The following C10orf71 variants were observed in gnomAD, a reference collection of about 807,000 sequenced individuals.
The protein encoded by C10orf71 is cardiac-enriched FHL2-interacting protein.
For missense variants in C10orf71, 1,869 were observed against 1,804.5 expected (o/e 1.04, Z -0.65); for synonymous variants, 758 against 726.3 (o/e 1.04, Z -0.70).
Position 49,310,113 on chromosome 10 carries a change from C to T in C10orf71, c.-247-6032C>T, listed in dbSNP as rs571487952. On this transcript the variant is annotated intron_variant, in intron 1 of 2. Coordinates refer to ENST00000374144, the MANE Select transcript of C10orf71 (RefSeq NM_001135196.2). ...ACATATCTTCAGCAGCTCAGGGGTG[C>T]ACCTTGGGCCTGCAGGGGAGCCCCC... Among the ~76,000 whole-genome samples, 6 of 152,286 alleles carry T rather than the reference C, an allele frequency of 3.9e-5. No individual in the cohort carries two copies. In the South Asian group the frequency reaches 1.2e-3, roughly 32 times the overall value.
chr10:49,307,239 G>A (rs73307871), intron 1 of C10orf71, among the ~76,000 whole-genome samples: 2,062 of 152,368 alleles, frequency 0.014, 57 homozygotes, highest in African/African-American at 0.047. Context: ...GAAGCCAAGG[G>A]CACCTCTGAG....
intron 2 of C10orf71, among the ~76,000 whole-genome samples, chr10:49,321,220 C>T (rs1001885701): frequency 6.6e-6 from 1 of 152,082 alleles, no homozygotes; most frequent in African/African-American, 2.4e-5. Context: ...TAACTCCCCC[C>T]TTCCCTGCTT....
At chr10:49,319,700 AT>A (rs1849060233) in intron 2 of C10orf71, among the ~76,000 whole-genome samples, 1 of 25,080 alleles carries the variant, frequency 4.0e-5, no homozygotes, top group Non-Finnish European at 1.1e-4. Flanking sequence ...ATATATATAT[AT>A]ATATATATAT....
Position 49,326,926 on chromosome 10 carries a change from C to CACACACACACAG in C10orf71, c.*84_*85insGACACACACACA. The CACACACACACAG allele has an allele frequency of 1.4e-6, 2 of 1,398,164 alleles. No homozygotes were observed. Among genetic ancestry groups the CACACACACACAG allele is most frequent in the Non-Finnish European group, 1.9e-6 (2 of 1,049,086 alleles). 86.6% of individuals were successfully genotyped at this position (1,398,164 alleles called of 1,614,324 possible). A position where few individuals can be genotyped will look rare whatever the true frequency, so the allele number is the denominator to read the frequency against. On this transcript the variant is annotated 3_prime_UTR_variant, in exon 3 of 3. Transcript: ENST00000374144. ...CTTCCCCCTCCCCCAAAACAAGCAA[C>CACACACACACAG]ACACACACACACACACACACACACA... is the stretch of plus-strand genomic sequence containing the variant.
chr10:49,305,852 G>A (rs1848804015), intron 1 of C10orf71, among the ~76,000 whole-genome samples: 1 of 152,246 alleles, frequency 6.6e-6, no homozygotes, highest in African/African-American at 2.4e-5. Context: ...AATCACTATA[G>A]ATCATAAGTC....
At chr10:49,298,653 G>A (rs1564680213), upstream of C10orf71, 1 of 152,170 alleles carries the variant, frequency 6.6e-6, no homozygotes. Context: ...CAAACAACCG[G>A]GCTTGCTGTA....
At position 49,323,218 on chromosome 10, in the gene C10orf71, C is replaced by T; in HGVS notation, c.673C>T (p.Pro225Ser). ...CGGAGAACAGGAGTCCTCCAAGAAT[C>T]CAGAAATGGCCTGTCACGGCTCCAG... ...KHGEQESSKN[P>S]EMACHGSSSF... The change falls in exon 3 of 3, where the codon CCA (proline) becomes TCA (serine). Residue 225 changes from proline to serine, a missense_variant. Coordinates refer to ENST00000374144, the MANE Select transcript of C10orf71 (RefSeq NM_001135196.2). The T allele has an allele frequency of 6.2e-7, 1 of 1,613,970 alleles. No individual in the cohort carries two copies. Among genetic ancestry groups the T allele is most frequent in the South Asian group, 1.1e-5 (1 of 91,084 alleles).
At chr10:49,307,467 T>A (rs1848834383) in intron 1 of C10orf71, among the ~76,000 whole-genome samples, 1 of 152,240 alleles carries the variant, frequency 6.6e-6, no homozygotes, top group Non-Finnish European at 1.5e-5. Flanking sequence ...TCCTCCATAA[T>A]GCTCCACCTC....
At chr10:49,311,250 G>T (rs1299159153) in intron 1 of C10orf71, among the ~76,000 whole-genome samples, 2 of 152,338 alleles carry the variant, frequency 1.3e-5, no homozygotes, top group African/African-American at 4.8e-5. Context: ...GGGGACACCT[G>T]CAATAGGGCT....
At chr10:49,302,876 C>A (rs894784064) in intron 1 of C10orf71, among the ~76,000 whole-genome samples, 1 of 152,176 alleles carries the variant, frequency 6.6e-6, no homozygotes, top group Non-Finnish European at 1.5e-5. Flanking sequence ...ACAGGACAGG[C>A]AAATCTGGGT....
chr10:49,324,170 T>A lies in C10orf71; in HGVS notation c.1625T>A (p.Val542Asp). 6.2e-7 allele frequency: 1 copy of A among 1,613,966 alleles called. No homozygotes were observed. The highest frequency in any genetic ancestry group is 1.1e-5 in the South Asian group (1 of 91,068). Residue 542 changes from valine (V) to aspartate (D), a missense_variant, in exon 3 of 3, where the codon GTC becomes GAC. By Grantham distance (152) the Val-to-Asp change is radical. Transcript: ENST00000374144. Reference protein sequence around the residue: ...DGKQEPVSNGVILPNGLEESP... With the variant: ...DGKQEPVSNGDILPNGLEESP... ...AAGCAAGAACCTGTGAGCAACGGTG[T>A]CATCCTCCCCAATGGGCTTGAGGAA...
intron 2 of C10orf71, among the ~76,000 whole-genome samples, chr10:49,320,573 A>C (rs1849077959): frequency 6.6e-6 from 1 of 152,246 alleles, no homozygotes; most frequent in South Asian, 2.1e-4. Context: ...GGTACCATGA[A>C]GAAAATAAAC....
chr10:49,321,328 G>T (rs994789003), intron 2 of C10orf71, among the ~76,000 whole-genome samples: 1 of 152,022 alleles, frequency 6.6e-6, no homozygotes, highest in African/African-American at 2.4e-5. Flanking sequence ...GTCTTTCTGC[G>T]ACTGGGTTGT....
At chr10:49,298,113 G>T (rs559952261), upstream of C10orf71, among the ~76,000 whole-genome samples, 1 of 152,346 alleles carries the variant, frequency 6.6e-6, no homozygotes, top group Non-Finnish European at 1.5e-5. Context: ...CCGGTTCAAG[G>T]CTGGAGGTGG....
Position 49,326,511 on chromosome 10 carries a change from G to A in C10orf71, c.3966G>A (p.Pro1322=), listed in dbSNP as rs1195206984. ...IPSSEGASPE[P]PPPDALAAPY... is the part of the protein sequence containing the mutation. ...CCTCCGAGGGGGCCTCCCCAGAGCC[G>A]CCCCCACCGGACGCCCTGGCCGCTC... Residue 1322 remains proline, a synonymous_variant, in exon 3 of 3, where the codon CCG becomes CCA. Coordinates refer to ENST00000374144, the MANE Select transcript of C10orf71 (RefSeq NM_001135196.2). The A allele has an allele frequency of 6.5e-7, 1 of 1,550,090 alleles. No homozygotes were observed. The highest frequency in any genetic ancestry group is 8.7e-7 in the Non-Finnish European group (1 of 1,146,786).
chr10:49,297,620 C>T (rs1471572630), upstream of C10orf71, among the ~76,000 whole-genome samples: 2 of 152,178 alleles, frequency 1.3e-5, no homozygotes, highest in Non-Finnish European at 2.9e-5. Context: ...GCTCCCCTGA[C>T]CCTGAATCCC....
intron 2 of C10orf71, 127 bp from the exon 3 acceptor site, chr10:49,322,275 A>G (rs1442672949): frequency 2.6e-6 from 1 of 388,490 alleles, no homozygotes; most frequent in Non-Finnish European, 4.6e-6. Flanking sequence ...GTCTATACAT[A>G]TAGCAAGCTT....
upstream of C10orf71, chr10:49,298,886 T>A (rs1003525476): frequency 2.0e-5 from 3 of 152,184 alleles, no homozygotes; most frequent in African/African-American, 7.2e-5. Flanking sequence ...AGCAGGGCTC[T>A]GGGCTCTGGC....
chr10:49,324,299 C>T lies in C10orf71; in HGVS notation c.1754C>T (p.Ala585Val), dbSNP rs376094825. Residue 585 changes from alanine (A) to valine (V), a missense_variant, in exon 3 of 3, where the codon GCA (alanine) becomes GTA (valine). Transcript: ENST00000374144. ...ACAGCTGACCCCAGTGAGCCCTCTGCAGACAGCTATCTAACTCTTAGCACA... is the reference window on the plus strand; with the variant it reads ...ACAGCTGACCCCAGTGAGCCCTCTGTAGACAGCTATCTAACTCTTAGCACA... ...DPTADPSEPS[A>V]DSYLTLSTAP... 1.9e-6 allele frequency: 3 copies of T among 1,613,942 alleles called. No homozygotes were observed. Among genetic ancestry groups the T allele is most frequent in the Non-Finnish European group, 2.5e-6 (3 of 1,179,868 alleles).
Sources: gnomAD v4.1 joint callset for allele counts (sites outside exome capture counted in the v4.1 genomes callset) on GRCh38, gnomAD v4.1.1 for gene constraint, MANE v1.5 for transcripts, NCBI Gene and HGNC (gene_info 2026-07-23, HGNC 2026-07-21) for gene names.